COP1: variants seen among roughly 807,000 people sequenced by gnomAD.
The protein encoded by COP1 is COP1 E3 ubiquitin ligase, also known as E3 ubiquitin-protein ligase COP1.
COP1 carries 24 observed loss-of-function variants against 101.3 expected under a neutral mutation model. The observed-to-expected ratio is 0.24, with a 90% CI of 0.17 to 0.33. The LOEUF is 0.33. Ranked by LOEUF, COP1 falls within the 10% of genes least tolerant of loss-of-function variation. The pLI is 1.00. For synonymous variants in COP1, 347 were observed against 341.9 expected, an observed-to-expected ratio of 1.01 and a Z score of -0.17; for missense variants, 663 against 906.2, an observed-to-expected ratio of 0.73 and a Z score of 3.45.
chr1:175,956,077 C>T (rs1032094487), intron 18 of COP1, among the ~76,000 whole-genome samples: 6 of 151,982 alleles, frequency 3.9e-5, no homozygotes, highest in African/African-American at 1.2e-4. Context: ...TAGGGACTTA[C>T]ACAACATGAT....
chr1:176,186,761 T>G (rs1158166489), intron 1 of COP1, among the ~76,000 whole-genome samples: 1 of 152,048 alleles, frequency 6.6e-6, no homozygotes, highest in Non-Finnish European at 1.5e-5. Context: ...CATAATCCAG[T>G]GAGAAACAGT....
At chr1:176,090,454 ACT>A (rs1681066588) in intron 9 of COP1, among the ~76,000 whole-genome samples, 1 of 152,084 alleles carries the variant, frequency 6.6e-6, no homozygotes, top group South Asian at 2.1e-4. Flanking sequence ...ATAGCGTTTG[ACT>A]CTCTTTGTCA....
intron 10 of COP1, among the ~76,000 whole-genome samples, chr1:176,082,131 A>C (rs939546852): frequency 7.2e-5 from 11 of 152,234 alleles, no homozygotes; most frequent in African/African-American, 2.4e-4. Context: ...AGATTTAAAA[A>C]ATCATTGCTT....
intron 15 of COP1, chr1:176,018,850 C>T (rs1666138784): frequency 1.3e-5 from 2 of 151,964 alleles, no homozygotes; most frequent in South Asian, 4.2e-4. Flanking sequence ...CCAGCCTGGA[C>T]CACAGAGTGA....
chr1:175,995,711 T>C (rs1371351538), intron 15 of COP1, among the ~76,000 whole-genome samples: 1 of 152,134 alleles, frequency 6.6e-6, no homozygotes, highest in East Asian at 1.9e-4. Context: ...AAATTGAATC[T>C]CTGAATAGAC....
chr1:176,158,893 G>A (rs1437629134), intron 5 of COP1, among the ~76,000 whole-genome samples: 3 of 151,968 alleles, frequency 2.0e-5, no homozygotes, highest in Non-Finnish European at 2.9e-5. Context: ...CACCCACCTC[G>A]GCCTCCCAAA....
chr1:176,042,236 A>G (rs1248067652), intron 14 of COP1, among the ~76,000 whole-genome samples: 3 of 137,434 alleles, frequency 2.2e-5, no homozygotes, highest in Non-Finnish European at 4.6e-5. Context: ...GCGCCACTGC[A>G]CTCCAGCCTG....
chr1:175,976,649 A>G (rs1654674838), intron 18 of COP1, among the ~76,000 whole-genome samples: 1 of 152,150 alleles, frequency 6.6e-6, no homozygotes, highest in South Asian at 2.1e-4. Flanking sequence ...TAGTACAAAC[A>G]TTAAGGATGA....
intron 15 of COP1, among the ~76,000 whole-genome samples, chr1:176,015,355 C>T (rs866913962): frequency 6.6e-6 from 1 of 152,032 alleles, no homozygotes; most frequent in African/African-American, 2.4e-5. Context: ...AATGCAGGTC[C>T]GAATCGTTGC....
rs139566789 is a variant in COP1 at position 176,125,342 on chromosome 1, C to T, written c.969-8661G>A. Among the ~76,000 whole-genome samples, 400 of 152,188 alleles carry T rather than the reference C, an allele frequency of 2.6e-3. 3 individuals carry two copies. The highest frequency in any genetic ancestry group is 9.2e-3 in the African/African-American group (381 of 41,508). On this transcript the variant is annotated intron_variant, in intron 8 of 19. Transcript: ENST00000367669. Reference sequence around the variant, plus strand: ...AAAAATTTTTTGCCCCAAGTTTCCCCAATGTTTTCTTGTAGTAGTTTCACA... The same window carrying T: ...AAAAATTTTTTGCCCCAAGTTTCCCTAATGTTTTCTTGTAGTAGTTTCACA...
chr1:176,138,414 A>T (rs1302075121), intron 6 of COP1, among the ~76,000 whole-genome samples: 2 of 152,122 alleles, frequency 1.3e-5, no homozygotes, highest in Non-Finnish European at 1.5e-5. Context: ...AAGGGTTAAA[A>T]GAGTGATTAG....
chr1:176,029,960 T>C (rs78823553), intron 14 of COP1, among the ~76,000 whole-genome samples: 10,571 of 152,170 alleles, frequency 0.069, 461 homozygotes, highest in Non-Finnish European at 0.087. Flanking sequence ...TTAGTAGTAG[T>C]ATTTTTTGAG....
At chr1:176,038,759 G>C (rs1248408426) in intron 14 of COP1, among the ~76,000 whole-genome samples, 1 of 151,432 alleles carries the variant, frequency 6.6e-6, no homozygotes, top group Non-Finnish European at 1.5e-5. Context: ...CGGAGGTTGT[G>C]GTGAGCCAAG....
rs143829339 is a variant in COP1, at chr1:176,016,985, A to G, written c.1729+10587T>C. Among the ~76,000 whole-genome samples, 1,181 of 152,330 alleles carry G rather than the reference A, an allele frequency of 7.8e-3. 4 individuals carry two copies. The highest frequency in any genetic ancestry group is 0.011 in the Non-Finnish European group (729 of 68,030). The stretch of plus-strand genomic sequence containing the variant: ...TCTTTATTTCTGTAAATATTACAGA[A>G]TAATTTCTAGTACAACAAATAATTT... On this transcript the variant is annotated intron_variant, in intron 15 of 19. Coordinates refer to ENST00000367669, the MANE Select transcript of COP1 (RefSeq NM_022457.7).
intron 1 of COP1, among the ~76,000 whole-genome samples, chr1:176,202,610 A>G (rs1700385823): frequency 1.3e-5 from 2 of 151,184 alleles, no homozygotes; most frequent in Admixed American, 1.3e-4. Context: ...AGACATGAAG[A>G]TTGCTTGAGC....
At chr1:176,009,887 G>GC (rs1403929273) in intron 15 of COP1, among the ~76,000 whole-genome samples, 1 of 137,540 alleles carries the variant, frequency 7.3e-6, no homozygotes, top group Non-Finnish European at 1.6e-5. Context: ...TGGGGGGGGG[G>GC]GGTCCGCAAT....
chr1:176,152,805 C>T (rs987548758), intron 5 of COP1, among the ~76,000 whole-genome samples: 1 of 152,098 alleles, frequency 6.6e-6, no homozygotes, highest in African/African-American at 2.4e-5. Flanking sequence ...GTTCAGATTC[C>T]CTACCTATAA....
intron 15 of COP1, among the ~76,000 whole-genome samples, chr1:175,996,787 T>C (rs1383616614): frequency 6.6e-6 from 1 of 152,052 alleles, no homozygotes; most frequent in Non-Finnish European, 1.5e-5. Context: ...TGCTCATGGG[T>C]AGGAAGAATC....
chr1:175,998,997 T>C (rs1206914225), intron 15 of COP1, among the ~76,000 whole-genome samples: 2 of 152,132 alleles, frequency 1.3e-5, no homozygotes, highest in Non-Finnish European at 2.9e-5. Context: ...GATGGGTTTC[T>C]ATGACTCTCT....
Sources: allele counts gnomAD v4.1 joint callset (sites outside exome capture counted in the v4.1 genomes callset), GRCh38; gene constraint gnomAD v4.1.1; transcripts MANE v1.5; gene names NCBI Gene and HGNC (gene_info 2026-07-23, HGNC 2026-07-21).